ACAP2: variants seen among roughly 807,000 people sequenced by gnomAD.
ACAP2 encodes arf-GAP with coiled-coil, ANK repeat and PH domain-containing protein 2.
Under a neutral mutation model 115.8 loss-of-function variants are expected in ACAP2, and 39 were observed. The ratio of observed to expected loss-of-function variants is 0.34; its 90% CI spans 0.26 to 0.44. The LOEUF (loss-of-function observed/expected upper bound fraction) is 0.44, where lower values mean the gene tolerates loss of function less well. Ranked by LOEUF, ACAP2 falls within the 20% of genes least tolerant of loss-of-function variation. The pLI, the probability that ACAP2 is intolerant of heterozygous loss-of-function variation, is 1.00. For missense variants in ACAP2, 662 were observed against 927.6 expected, an observed-to-expected ratio of 0.71 and a Z score of 3.72; for synonymous variants, 289 against 315.8, an observed-to-expected ratio of 0.92 and a Z score of 0.90.
At chr3:195,402,208 G>A (rs1712364433) in intron 1 of ACAP2, among the ~76,000 whole-genome samples, 1 of 152,110 alleles carries the variant, frequency 6.6e-6, no homozygotes, top group Non-Finnish European at 1.5e-5. Flanking sequence ...TGTTGAATGG[G>A]TGATGAATGG....
intron 4 of ACAP2, among the ~76,000 whole-genome samples, chr3:195,365,253 C>T (rs1003764661): frequency 6.6e-6 from 1 of 152,116 alleles, no homozygotes; most frequent in Non-Finnish European, 1.5e-5. Flanking sequence ...TTTAACTGCT[C>T]ATTTTAAAAT....
chr3:195,355,300 G>A (rs1467185880), intron 4 of ACAP2, among the ~76,000 whole-genome samples: 1 of 46,044 alleles, frequency 2.2e-5, no homozygotes, highest in African/African-American at 8.3e-5. Context: ...TTTTTTTTTG[G>A]TAGTTATTGT....
chr3:195,426,785 A>G (rs1317896839), intron 1 of ACAP2, among the ~76,000 whole-genome samples: 1 of 152,362 alleles, frequency 6.6e-6, no homozygotes, highest in African/African-American at 2.4e-5. Flanking sequence ...TAAACCAATG[A>G]GCACAGATTA....
intron 4 of ACAP2, among the ~76,000 whole-genome samples, chr3:195,374,962 C>G (rs199634159): frequency 6.6e-6 from 1 of 151,960 alleles, no homozygotes; most frequent in African/African-American, 2.4e-5. Context: ...GAGGCCAAGG[C>G]GGGCAGATCA....
rs184881451 is a variant in ACAP2, at chr3:195,373,877, A to G, written c.285+7132T>C. On this transcript the variant is annotated intron_variant, in intron 4 of 22. Transcript: ENST00000326793. ...GAGGTGGAGGTTGCAGAGAACCGAG[A>G]TCACGCCATTGCACTCCAGGGCAAC... is the stretch of plus-strand genomic sequence containing the variant. Among the ~76,000 whole-genome samples the G allele has an allele frequency of 1.2e-4, 19 of 152,280 alleles. No homozygotes were observed. In the East Asian group the frequency reaches 3.7e-3, roughly 29 times the overall value.
chr3:195,434,446 T>C (rs1007350805), intron 1 of ACAP2, among the ~76,000 whole-genome samples: 1 of 151,796 alleles, frequency 6.6e-6, no homozygotes, highest in Non-Finnish European at 1.5e-5. Flanking sequence ...CTCCCTGTGT[T>C]GCCCAGACTA....
intron 6 of ACAP2, among the ~76,000 whole-genome samples, chr3:195,339,487 AT>A (rs1446227134): frequency 6.7e-6 from 1 of 149,788 alleles, no homozygotes; most frequent in East Asian, 1.9e-4. Flanking sequence ...ATAAAATAGG[AT>A]TTTTATATTA....
At chr3:195,390,304 G>A (rs932848743) in intron 2 of ACAP2, among the ~76,000 whole-genome samples, 2 of 152,040 alleles carry the variant, frequency 1.3e-5, no homozygotes, top group South Asian at 2.1e-4. Context: ...GCTATAAAAC[G>A]GGAGTAATAA....
chr3:195,379,584 G>A (rs1733811303), intron 4 of ACAP2, among the ~76,000 whole-genome samples: 1 of 152,294 alleles, frequency 6.6e-6, no homozygotes, highest in Middle Eastern at 3.4e-3. Flanking sequence ...CTTGAGCCCA[G>A]GAGTTCAAGA....
chr3:195,328,453 C>A (rs1729947349), intron 8 of ACAP2, among the ~76,000 whole-genome samples: 1 of 152,064 alleles, frequency 6.6e-6, no homozygotes, highest in Non-Finnish European at 1.5e-5. Context: ...AGATCTATCA[C>A]TATTATAAAG....
intron 10 of ACAP2, among the ~76,000 whole-genome samples, chr3:195,318,924 C>A (rs539670092): frequency 1.8e-4 from 27 of 152,160 alleles, no homozygotes; most frequent in Non-Finnish European, 3.4e-4. Context: ...TGAGGCAGCC[C>A]CTCCCATGAC....
chr3:195,396,182 T>C (rs966731115), intron 1 of ACAP2, among the ~76,000 whole-genome samples: 7 of 149,308 alleles, frequency 4.7e-5, no homozygotes, highest in African/African-American at 1.7e-4. Context: ...ACCCAGGAGG[T>C]GGAGATTGCA....
At chr3:195,375,066 C>A (rs954434442) in intron 4 of ACAP2, among the ~76,000 whole-genome samples, 1 of 151,974 alleles carries the variant, frequency 6.6e-6, no homozygotes, top group South Asian at 2.1e-4. Flanking sequence ...GAAGCAGGCA[C>A]CTGTAATCCC....
At chr3:195,316,778 T>A (rs1162326680) in intron 10 of ACAP2, among the ~76,000 whole-genome samples, 3 of 151,878 alleles carry the variant, frequency 2.0e-5, no homozygotes, top group Non-Finnish European at 4.4e-5. Flanking sequence ...ATATTAACTC[T>A]CAGGTTCAGA....
chr3:195,392,710 A>ATT (rs1734758580), intron 1 of ACAP2, among the ~76,000 whole-genome samples: 1 of 152,234 alleles, frequency 6.6e-6, no homozygotes, highest in African/African-American at 2.4e-5. Flanking sequence ...GAACTAAATA[A>ATT]GCCAAATATT....
At chr3:195,285,616 C>A in intron 22 of ACAP2, 180 bp downstream of exon 22, 1 of 542,624 alleles carries the variant, frequency 1.8e-6, no homozygotes, top group Non-Finnish European at 3.2e-6. Context: ...ATTAGCCACC[C>A]AAGGATTCAG....
rs574394782 is a variant in ACAP2, at chr3:195,316,992, G to A, written c.857+3709C>T. Reference sequence around the variant, plus strand: ...GGCTCACTGCAGCCTCTGCCTCCTGGGTTCAAGCAATTCTCCTGCCTCAGC... The same window carrying A: ...GGCTCACTGCAGCCTCTGCCTCCTGAGTTCAAGCAATTCTCCTGCCTCAGC... On this transcript the variant is annotated intron_variant, in intron 10 of 22. Transcript: ENST00000326793. Among the ~76,000 whole-genome samples, 345 of 148,492 alleles carry A rather than the reference G, an allele frequency of 2.3e-3. 3 individuals are homozygous for A. Among genetic ancestry groups the A allele is most frequent in the African/African-American group, 7.1e-3 (286 of 40,116 alleles).
intron 9 of ACAP2, among the ~76,000 whole-genome samples, chr3:195,324,369 A>G (rs1210224686): frequency 6.6e-6 from 1 of 152,190 alleles, no homozygotes; most frequent in African/African-American, 2.4e-5. Flanking sequence ...GAAAGAGCAA[A>G]CTTTTTAATA....
At chr3:195,328,599 G>A (rs1021569937) in intron 8 of ACAP2, among the ~76,000 whole-genome samples, 7 of 152,200 alleles carry the variant, frequency 4.6e-5, no homozygotes, top group Non-Finnish European at 7.3e-5. Context: ...TTTCTTAAGC[G>A]GAATGAGTGG....
Sources: allele counts gnomAD v4.1 joint callset (sites outside exome capture counted in the v4.1 genomes callset), GRCh38; gene constraint gnomAD v4.1.1; transcripts MANE v1.5; gene names NCBI Gene and HGNC (gene_info 2026-07-23, HGNC 2026-07-21).